GK: variants seen among roughly 807,000 people sequenced by gnomAD.
GK encodes the protein ATP:glycerol 3-phosphotransferase.
Under a neutral mutation model 56.4 loss-of-function variants are expected in GK, and 9 were observed. That is an observed-to-expected ratio of 0.16 (90% CI 0.10 to 0.28). The LOEUF is 0.28. GK is among the 10% of genes least tolerant of loss of function. The pLI is 1.00. For synonymous variants in GK, 104 were observed against 144.1 expected, an observed-to-expected ratio of 0.72 and a Z score of 1.99; for missense variants, 161 against 431.4, an observed-to-expected ratio of 0.37 and a Z score of 5.55.
At position 30,699,161 on chromosome X, in the gene GK, C is replaced by G. The variant is rs185737894; in HGVS notation, c.748-1253C>G. 3.9e-3 allele frequency among the ~76,000 whole-genome samples: 397 copies of G among 101,318 alleles called. 2 individuals carry two copies. The highest frequency in any genetic ancestry group is 0.013 in the African/African-American group (378 of 28,137). The allele number at this position is 101,318 out of a possible 115,157, so 88.0% of individuals were successfully genotyped here. On this transcript the variant is annotated intron_variant, in intron 9 of 20. Transcript: ENST00000427190. ...TGGTGCTCATCCTAGTACATCACCC[C>G]TACTTCAGGGATTTTATATATATAT...
intron 4 of GK, among the ~76,000 whole-genome samples, chrX:30,679,682 C>T (rs955590545): frequency 9.0e-6 from 1 of 111,616 alleles, no homozygotes; most frequent in Non-Finnish European, 1.9e-5. Context: ...CTGCACCCCT[C>T]CCCCATTCTA....
At chrX:30,711,383 T>C (rs959014191) in intron 13 of GK, among the ~76,000 whole-genome samples, 3 of 111,795 alleles carry the variant, frequency 2.7e-5, no homozygotes, top group Non-Finnish European at 5.6e-5. Flanking sequence ...CTCTTTATCA[T>C]TGATGTTCTG....
intron 11 of GK, among the ~76,000 whole-genome samples, chrX:30,702,169 A>T (rs1935710294): frequency 9.1e-6 from 1 of 110,072 alleles, no homozygotes; most frequent in Non-Finnish European, 1.9e-5. Context: ...TAGCCTCCCG[A>T]GTAGCTGGGA....
intron 1 of GK, among the ~76,000 whole-genome samples, chrX:30,661,327 G>T (rs1404895714): frequency 9.0e-6 from 1 of 110,958 alleles, no homozygotes; most frequent in Non-Finnish European, 1.9e-5. Context: ...TGTCATCCCT[G>T]GGTGTTGCTC....
intron 1 of GK, among the ~76,000 whole-genome samples, chrX:30,656,577 TC>T (rs1447110265): frequency 3.6e-5 from 4 of 111,563 alleles, no homozygotes; most frequent in Non-Finnish European, 7.5e-5. Flanking sequence ...GTGTAAGTCT[TC>T]CTCAAACCGT....
intron 14 of GK, 152 bp downstream of exon 14, chrX:30,718,768 C>T (rs948541798): frequency 2.2e-6 from 1 of 457,519 alleles, no homozygotes; most frequent in African/African-American, 2.4e-5. Flanking sequence ...AAAAGACTAT[C>T]TTGTGAAGAT....
chrX:30,667,429 AT>A (rs1404733141), intron 2 of GK, among the ~76,000 whole-genome samples: 1 of 111,612 alleles, frequency 9.0e-6, no homozygotes, highest in African/African-American at 3.3e-5. Context: ...TACCAAAATT[AT>A]ACTGAGATTG....
chrX:30,674,040 TA>T (rs1191189812), intron 3 of GK, among the ~76,000 whole-genome samples: 1 of 112,039 alleles, frequency 8.9e-6, no homozygotes, highest in African/African-American at 3.2e-5. Context: ...CTCTTCTCAA[TA>T]ATAATGACCA....
At chrX:30,698,881 A>AAG (rs1555916485) in intron 9 of GK, among the ~76,000 whole-genome samples, 11 of 107,401 alleles carry the variant, frequency 1.0e-4, no homozygotes, top group South Asian at 7.8e-4. Flanking sequence ...AAAAAAAAAA[A>AAG]AAAGAAAAGA....
chrX:30,658,571 C>T (rs1932479696), intron 1 of GK, among the ~76,000 whole-genome samples: 1 of 112,744 alleles, frequency 8.9e-6, no homozygotes, highest in South Asian at 3.6e-4. Flanking sequence ...CTGCCTTGGC[C>T]TCCCAAAGTG....
intron 1 of GK, among the ~76,000 whole-genome samples, chrX:30,662,864 TCTTTC>T (rs1932825103): frequency 1.9e-5 from 1 of 52,438 alleles, no homozygotes; most frequent in African/African-American, 8.0e-5. Context: ...TTTCTTTCTT[TCTTTC>T]TCTTTCTTTC....
At chrX:30,667,599 T>A (rs942167256) in intron 2 of GK, among the ~76,000 whole-genome samples, 1 of 112,404 alleles carries the variant, frequency 8.9e-6, no homozygotes, top group Non-Finnish European at 1.9e-5. Context: ...CCCAAATATA[T>A]CATTCTCAAT....
At chrX:30,678,852 A>ATT (rs58342528) in intron 4 of GK, among the ~76,000 whole-genome samples, 137 of 77,175 alleles carry the variant, frequency 1.8e-3, no homozygotes, top group South Asian at 1.9e-3. Context: ...ATGCCCAGCT[A>ATT]TTTTTTTTTT....
intron 20 of GK, among the ~76,000 whole-genome samples, chrX:30,728,218 T>G (rs1937223083): frequency 8.9e-6 from 1 of 111,837 alleles, no homozygotes; most frequent in Non-Finnish European, 1.9e-5. Context: ...CATAATCTTA[T>G]TAATTTATAA....
chrX:30,702,046 TA>T (rs1321267954), intron 11 of GK, among the ~76,000 whole-genome samples: 7 of 109,568 alleles, frequency 6.4e-5, no homozygotes, highest in African/African-American at 1.3e-4. Context: ...TATTTTTATT[TA>T]TTTTTTTTTT....
At chrX:30,701,021 T>G (rs1935624396) in intron 11 of GK, 116 bp downstream of exon 11, 2 of 526,030 alleles carry the variant, frequency 3.8e-6, no homozygotes, top group East Asian at 7.1e-5. Flanking sequence ...GCTTAATAGC[T>G]CCAATATGCA....
At chrX:30,722,891 G>A (rs1241643725) in intron 18 of GK, among the ~76,000 whole-genome samples, 1 of 111,098 alleles carries the variant, frequency 9.0e-6, no homozygotes, top group Admixed American at 9.6e-5. Context: ...AAGTCTGGGA[G>A]GCTTGAGAGA....
intron 20 of GK, among the ~76,000 whole-genome samples, chrX:30,727,776 A>G (rs1224256085): frequency 9.0e-6 from 1 of 111,455 alleles, no homozygotes. Flanking sequence ...GACTTCTTTA[A>G]GAGGGACTAC....
chrX:30,667,322 T>G, intron 2 of GK, among the ~76,000 whole-genome samples: 1 of 111,344 alleles, frequency 9.0e-6, no homozygotes, highest in East Asian at 2.8e-4. Flanking sequence ...TTGTATCATT[T>G]CTACTTTTGG....
Sources: allele counts gnomAD v4.1 joint callset (sites outside exome capture counted in the v4.1 genomes callset), GRCh38; gene constraint gnomAD v4.1.1; transcripts MANE v1.5; gene names NCBI Gene and HGNC (gene_info 2026-07-23, HGNC 2026-07-21).